NRXN1: variants seen among roughly 807,000 people sequenced by gnomAD.
NRXN1 encodes the protein neurexin-1.
Under a neutral mutation model 150.9 loss-of-function variants are expected in NRXN1, and 39 were observed. The ratio of observed to expected loss-of-function variants is 0.26; its 90% CI spans 0.20 to 0.34. The LOEUF (loss-of-function observed/expected upper bound fraction) is 0.34. Among genes scored for constraint, NRXN1 ranks in the 10% least tolerant of loss-of-function variants. The pLI, the probability that NRXN1 is intolerant of heterozygous loss-of-function variation, is 1.00. For synonymous variants in NRXN1, 924 were observed against 757.0 expected (o/e 1.22, Z -3.62); for missense variants, 1,815 against 1,949.9 (o/e 0.93, Z 1.30).
rs1573584846 is a variant in NRXN1 at position 50,568,837 on chromosome 2, C to T, written c.1321-15812G>A. Among the ~76,000 whole-genome samples the T allele has an allele frequency of 2.0e-5, 3 of 152,260 alleles. 1 individual carries two copies. ...AATCAATATATCAAGAATATATCTG[C>T]ATTCCCATGTTTATTGAAACACTAG... On this transcript the variant is annotated intron_variant, in intron 8 of 22. Transcript: ENST00000401669.
intron 17 of NRXN1, among the ~76,000 whole-genome samples, chr2:50,353,683 G>A (rs1476325204): frequency 1.3e-4 from 20 of 151,950 alleles, no homozygotes; most frequent in Non-Finnish European, 4.4e-5. Flanking sequence ...TTATTCATAG[G>A]TACTTTATGC....
intron 17 of NRXN1, among the ~76,000 whole-genome samples, chr2:50,398,284 A>G (rs1192721355): frequency 6.6e-6 from 1 of 152,154 alleles, no homozygotes; most frequent in Non-Finnish European, 1.5e-5. Flanking sequence ...TTCTCCCTCT[A>G]CTAAAGTTTA....
rs72824918 is a variant in NRXN1 at position 50,341,677 on chromosome 2, A to G, written c.3365-104707T>C. Among the ~76,000 whole-genome samples, 718 of 152,318 alleles carry G rather than the reference A, an allele frequency of 4.7e-3. 5 individuals carry two copies. Among genetic ancestry groups the G allele is most frequent in the Non-Finnish European group, 7.5e-3 (512 of 68,028 alleles). ...CTGAATTCCTATCTTAACTACATTT[A>G]CAAAACAAGACTTATATCTGTTCGA... On this transcript the variant is annotated intron_variant, in intron 17 of 22. Coordinates refer to ENST00000401669, the MANE Select transcript of NRXN1 (RefSeq NM_001330078.2).
chr2:50,734,793 C>T (rs1442432018), intron 5 of NRXN1, among the ~76,000 whole-genome samples: 1 of 151,038 alleles, frequency 6.6e-6, no homozygotes, highest in Non-Finnish European at 1.5e-5. Flanking sequence ...AAATGGCAGA[C>T]ACATTTTAAA....
intron 19 of NRXN1, among the ~76,000 whole-genome samples, chr2:50,083,627 CCTGCTTTTATT>C (rs1234774477): frequency 6.6e-6 from 1 of 152,158 alleles, no homozygotes; most frequent in Non-Finnish European, 1.5e-5. Context: ...GCTCGGGCAG[CCTGCTTTTATT>C]CTCTTATCTG....
intron 5 of NRXN1, among the ~76,000 whole-genome samples, chr2:50,627,425 T>C (rs78830564): frequency 0.038 from 5,732 of 149,344 alleles, 381 homozygotes; most frequent in African/African-American, 0.13. Context: ...ATGAAAACAA[T>C]TTATATTGTC....
Position 50,665,336 on chromosome 2 carries a change from T to C in NRXN1, c.833-41721A>G, listed in dbSNP as rs1031372173. Among the ~76,000 whole-genome samples, 3 of 152,034 alleles carry C rather than the reference T, an allele frequency of 2.0e-5. No individual in the cohort carries two copies. The South Asian group carries it at 6.2e-4, about 31-fold the overall frequency. ...AGGATAGTAAAATGTCTTACTATTCTGTTATTGATCCTGAATTTTAAACAG... is the reference window on the plus strand; with the variant it reads ...AGGATAGTAAAATGTCTTACTATTCCGTTATTGATCCTGAATTTTAAACAG... On this transcript the variant is annotated intron_variant, in intron 5 of 22. Transcript: ENST00000401669.
Position 50,085,658 on chromosome 2 carries a change from T to C in NRXN1, c.3718+5665A>G, listed in dbSNP as rs1474409737. On this transcript the variant is annotated intron_variant, in intron 19 of 22. Coordinates refer to ENST00000401669, the MANE Select transcript of NRXN1 (RefSeq NM_001330078.2). ...TTTAGTGAAAACAAAATATGGTTAT[T>C]ATAAGATAAATTATAATTTATCATA... Among the ~76,000 whole-genome samples the C allele has an allele frequency of 4.0e-5, 6 of 149,868 alleles. No homozygotes were observed. In the East Asian group the frequency reaches 1.2e-3, roughly 30 times the overall value.
chr2:50,361,121 C>G (rs148153942), intron 17 of NRXN1, among the ~76,000 whole-genome samples: 1 of 152,046 alleles, frequency 6.6e-6, no homozygotes. Context: ...GCAGTGTTTA[C>G]AGGGAAATTT....
chr2:50,481,005 A>G (rs895988394), intron 15 of NRXN1, among the ~76,000 whole-genome samples: 1 of 152,222 alleles, frequency 6.6e-6, no homozygotes, highest in Admixed American at 6.5e-5. Flanking sequence ...ATATATTGTT[A>G]TATCTGGTTT....
intron 2 of NRXN1, among the ~76,000 whole-genome samples, chr2:50,975,562 T>G (rs965553672): frequency 6.6e-6 from 1 of 152,140 alleles, no homozygotes; most frequent in African/African-American, 2.4e-5. Flanking sequence ...ATATATAATG[T>G]TCACCTCTGC....
chr2:50,895,727 T>C (rs535192405), intron 5 of NRXN1, among the ~76,000 whole-genome samples: 69 of 151,608 alleles, frequency 4.6e-4, no homozygotes, highest in Non-Finnish European at 3.5e-4. Flanking sequence ...ATTACAGGAG[T>C]GCGCCACCAC....
At chr2:50,741,927 A>G (rs1178953646) in intron 5 of NRXN1, among the ~76,000 whole-genome samples, 1 of 152,148 alleles carries the variant, frequency 6.6e-6, no homozygotes, top group Non-Finnish European at 1.5e-5. Context: ...AGTCTACATG[A>G]TGTGAGATAT....
intron 22 of NRXN1, among the ~76,000 whole-genome samples, chr2:49,930,506 T>C (rs1175592444): frequency 6.6e-6 from 1 of 152,194 alleles, no homozygotes; most frequent in Non-Finnish European, 1.5e-5. Flanking sequence ...TATTTGATTG[T>C]TATTAGAAAG....
chr2:50,327,477 G>T (rs2076461835), intron 17 of NRXN1, among the ~76,000 whole-genome samples: 1 of 150,656 alleles, frequency 6.6e-6, no homozygotes, highest in Non-Finnish European at 1.5e-5. Flanking sequence ...GTATATATAG[G>T]TTAAAATTAT....
At chr2:50,029,271 G>A (rs1688832217) in intron 21 of NRXN1, among the ~76,000 whole-genome samples, 1 of 152,116 alleles carries the variant, frequency 6.6e-6, no homozygotes, top group African/African-American at 2.4e-5. Context: ...CCAGCATTGT[G>A]AGAAATAAAT....
chr2:50,046,814 C>T (rs535915484), intron 21 of NRXN1, among the ~76,000 whole-genome samples: 1 of 152,300 alleles, frequency 6.6e-6, no homozygotes, highest in African/African-American at 2.4e-5. Flanking sequence ...AGACCTTAGA[C>T]TCCCAGAACG....
intron 17 of NRXN1, chr2:50,463,877 C>CCACA (rs1160607764): frequency 1.3e-5 from 2 of 151,600 alleles, no homozygotes; most frequent in Non-Finnish European, 3.0e-5. Context: ...CACATGTAGT[C>CCACA]ATACATCTGT....
chr2:51,018,163 C>A (rs1191165908), intron 2 of NRXN1, among the ~76,000 whole-genome samples: 1 of 152,028 alleles, frequency 6.6e-6, no homozygotes, highest in East Asian at 1.9e-4. Flanking sequence ...GGATTAGAAC[C>A]CACACAGAAT....
Sources: gnomAD v4.1 joint callset for allele counts (sites outside exome capture counted in the v4.1 genomes callset) on GRCh38, gnomAD v4.1.1 for gene constraint, MANE v1.5 for transcripts, NCBI Gene and HGNC (gene_info 2026-07-23, HGNC 2026-07-21) for gene names.